IQCE: variants seen among roughly 807,000 people sequenced by gnomAD.
IQCE encodes IQ domain-containing protein E.
In IQCE, 115 loss-of-function variants were observed where a neutral mutation model predicts 96.0. The observed-to-expected ratio is 1.20, with a 90% CI of 1.03 to 1.40. The LOEUF (loss-of-function observed/expected upper bound fraction) is 1.40. IQCE is among the 40% of genes most tolerant of loss of function. The probability of loss-of-function intolerance (pLI) is 0.00; values close to 1 mark genes in which losing one functional copy is unlikely to be tolerated. For missense variants in IQCE, 1,041 were observed against 909.1 expected, an observed-to-expected ratio of 1.15 and a Z score of -1.87; for synonymous variants, 412 against 371.2, an observed-to-expected ratio of 1.11 and a Z score of -1.26.
At position 2,582,627 on chromosome 7, in the gene IQCE, C is replaced by G. The variant is rs1424291739; in HGVS notation, c.678C>G (p.Cys226Trp). 2 of 1,613,852 alleles carry G rather than the reference C, an allele frequency of 1.2e-6. No individual in the cohort carries two copies. Among genetic ancestry groups the G allele is most frequent in the East Asian group, 2.2e-5 (1 of 44,888 alleles). ...GGATCCTGAAGCTGGAACAGCAGTGCAAGGAGAAGGACGGCACCATCAGGT... is the reference window on the plus strand; with the variant it reads ...GGATCCTGAAGCTGGAACAGCAGTGGAAGGAGAAGGACGGCACCATCAGGT... ...KQRILKLEQQCKEKDGTISKL... is the reference protein window; with the variant it reads ...KQRILKLEQQWKEKDGTISKL... The change falls in exon 9 of 22, where the codon TGC becomes TGG. Residue 226 changes from cysteine to tryptophan, a missense_variant. By Grantham distance (215) the Cys-to-Trp change is radical (BLOSUM62 -2). Transcript: ENST00000402050.
Position 2,604,926 on chromosome 7 carries a change from A to G in IQCE, c.1678A>G (p.Thr560Ala). Residue 560 changes from threonine to alanine, a missense_variant, in exon 19 of 22, where the codon ACA (threonine) becomes GCA (alanine). Thr to Ala is a moderately conservative substitution (Grantham distance 58). Transcript: ENST00000402050. ...QAAFRGHLTR[T>A]KLLASKAHGS... The stretch of plus-strand genomic sequence containing the variant: ...AGCTTTCAGGGGACATCTCACGCGG[A>G]CAAAGCTCTTAGCAAGCAAAGCACA... The G allele has an allele frequency of 1.2e-6, 2 of 1,613,762 alleles. No individual in the cohort carries two copies. Among genetic ancestry groups the G allele is most frequent in the East Asian group, 2.2e-5 (1 of 44,874 alleles).
chr7:2,608,573 G>C (rs562006083), intron 21 of IQCE, among the ~76,000 whole-genome samples: 1 of 152,186 alleles, frequency 6.6e-6, no homozygotes, highest in African/African-American at 2.4e-5. Flanking sequence ...GTACAGACAC[G>C]CAAAGCGGTC....
chr7:2,564,677 T>G (rs1427170181), intron 1 of IQCE, among the ~76,000 whole-genome samples: 4 of 152,236 alleles, frequency 2.6e-5, no homozygotes, highest in Non-Finnish European at 5.9e-5. Flanking sequence ...AGAATATACT[T>G]TGAATGATTT....
intron 18 of IQCE, among the ~76,000 whole-genome samples, chr7:2,603,500 A>G (rs1008646818): frequency 6.6e-6 from 1 of 152,018 alleles, no homozygotes; most frequent in Non-Finnish European, 1.5e-5. Context: ...CCCATGCCTC[A>G]GGGGCCTCGT....
At chr7:2,573,376 T>C (rs745909668) in intron 5 of IQCE, 42 bp from the exon 6 acceptor site, 8 of 927,260 alleles carry the variant, frequency 8.6e-6, no homozygotes, top group Non-Finnish European at 1.4e-5. Flanking sequence ...TTCTTTCTAC[T>C]TTGTAGATAG....
rs528750433 is a variant in IQCE, at chr7:2,579,876, T to G, written c.630+1350T>G. ...AGGGGATACTCCCACCTCAACCTCCTGAGTACCCGGGACTACAGGCACGTG... is the reference window on the plus strand; with the variant it reads ...AGGGGATACTCCCACCTCAACCTCCGGAGTACCCGGGACTACAGGCACGTG... On this transcript the variant is annotated intron_variant, in intron 8 of 21. Transcript: ENST00000402050. Among the ~76,000 whole-genome samples the G allele has an allele frequency of 5.4e-5, 8 of 148,160 alleles. 1 individual carries two copies. The highest frequency in any genetic ancestry group is 1.2e-4 in the Non-Finnish European group (8 of 67,108).
intron 11 of IQCE, among the ~76,000 whole-genome samples, chr7:2,585,180 G>T (rs1783001706): frequency 6.6e-6 from 1 of 151,814 alleles, no homozygotes; most frequent in Non-Finnish European, 1.5e-5. Flanking sequence ...GGACTGTACA[G>T]GCACATGCCA....
chr7:2,582,534 A>C, intron 8 of IQCE, 46 bp from the exon 9 acceptor site: 2 of 1,548,752 alleles, frequency 1.3e-6, no homozygotes, highest in Non-Finnish European at 1.8e-6. Context: ...GCTTCTACTG[A>C]GGGAGAGAGG....
chr7:2,571,989 G>A (rs915646743), intron 4 of IQCE, among the ~76,000 whole-genome samples: 24 of 152,142 alleles, frequency 1.6e-4, no homozygotes, highest in African/African-American at 5.3e-4. Context: ...TATGTATACC[G>A]TGGAAATAGG....
At position 2,586,368 on chromosome 7, in the gene IQCE, C is replaced by T. The variant is rs200208942; in HGVS notation, c.985C>T (p.Gln329Ter). 1 of 1,610,854 alleles carries T rather than the reference C, an allele frequency of 6.2e-7. No individual in the cohort carries two copies. Among genetic ancestry groups the T allele is most frequent in the Non-Finnish European group, 8.5e-7 (1 of 1,179,148 alleles). Residue 329 changes from glutamine to a stop codon, truncating the protein, a stop_gained, in exon 12 of 22, where the codon CAG (glutamine) becomes TAG (stop). Transcript: ENST00000402050. LOFTEE classifies it high-confidence loss of function. ...CACCTCCCCAACCATCTCCAAGACACAGGGTACCTTCCTGAAAGCCACTCC... is the reference window on the plus strand; with the variant it reads ...CACCTCCCCAACCATCTCCAAGACATAGGGTACCTTCCTGAAAGCCACTCC... ...LSTSPTISKT[Q>*]GYVEWSKPRL...
At chr7:2,585,734 GT>G (rs1583453709) in intron 11 of IQCE, among the ~76,000 whole-genome samples, 2 of 152,246 alleles carry the variant, frequency 1.3e-5, no homozygotes, top group Non-Finnish European at 2.9e-5. Flanking sequence ...ACCTGTGCAC[GT>G]GCAAGAATCC....
At position 2,607,122 on chromosome 7, in the gene IQCE, A is replaced by AGT. The variant is rs1357922470; in HGVS notation, c.1866_1867dup. On this transcript the variant is annotated splice_acceptor_variant, in intron 20 of 21. Transcript: ENST00000402050. LOFTEE classifies it high-confidence loss of function. ...CAGCTGGCGTTTTCTGTTTTTTTCCAGTGCTACCGGTAAAAGAACCACCAC... is the reference window on the plus strand; with the variant it reads ...CAGCTGGCGTTTTCTGTTTTTTTCCAGTGTGCTACCGGTAAAAGAACCACCAC... The AGT allele has an allele frequency of 6.3e-7, 1 of 1,586,322 alleles. No individual in the cohort carries two copies. Among genetic ancestry groups the AGT allele is most frequent in the Non-Finnish European group, 8.6e-7 (1 of 1,169,100 alleles).
Position 2,614,181 on chromosome 7 carries a change from A to C in IQCE, c.*4019A>C, listed in dbSNP as rs1184810199. Reference sequence around the variant, plus strand: ...AGCCCAACCTAGCTCAGATCCACCAAGATAAGCACAGCAAAGCTTGGCTGC... The same window carrying C: ...AGCCCAACCTAGCTCAGATCCACCACGATAAGCACAGCAAAGCTTGGCTGC... On this transcript the variant is annotated 3_prime_UTR_variant, in exon 22 of 22. Transcript: ENST00000402050. The C allele has an allele frequency of 1.3e-5, 2 of 152,268 alleles. No homozygotes were observed. The highest frequency in any genetic ancestry group is 4.8e-5 in the African/African-American group (2 of 41,460). 9.4% of individuals were successfully genotyped at this position (152,268 alleles called of 1,614,324 possible).
At chr7:2,607,283 G>A in intron 21 of IQCE, 56 bp downstream of exon 21, 2 of 1,609,156 alleles carry the variant, frequency 1.2e-6, no homozygotes, top group East Asian at 2.2e-5. Context: ...TGAGGTCTCA[G>A]CCAAAGAGTG....
intron 8 of IQCE, among the ~76,000 whole-genome samples, chr7:2,579,877 G>A (rs913408160): frequency 1.4e-5 from 2 of 147,878 alleles, no homozygotes; most frequent in African/African-American, 4.9e-5. Flanking sequence ...TCAACCTCCT[G>A]AGTACCCGGG....
chr7:2,566,256 G>A (rs143423843), intron 1 of IQCE, among the ~76,000 whole-genome samples: 1 of 148,590 alleles, frequency 6.7e-6, no homozygotes, highest in African/African-American at 2.5e-5. Flanking sequence ...GAGTGAATGA[G>A]TTAATACAGA....
Position 2,586,260 on chromosome 7 carries a change from G to C in IQCE, c.877G>C (p.Ala293Pro). 6.2e-7 allele frequency: 1 copy of C among 1,614,056 alleles called. No homozygotes were observed. Among genetic ancestry groups the C allele is most frequent in the Non-Finnish European group, 8.5e-7 (1 of 1,179,958 alleles). ...CAAAAGGCAGAAGAAGATGGGCAGT[G>C]CCCTCCTGAGCTTGTCCCGGAGTGT... is the stretch of plus-strand genomic sequence containing the variant. ...GAKRQKKMGS[A>P]LLSLSRSVQE... The change falls in exon 12 of 22, where the codon GCC becomes CCC. Residue 293 changes from alanine (A) to proline (P), a missense_variant. By Grantham distance (27) the Ala-to-Pro change is conservative (BLOSUM62 -1). Transcript: ENST00000402050.
At chr7:2,597,406 C>G (rs1784125501) in intron 16 of IQCE, among the ~76,000 whole-genome samples, 2 of 152,248 alleles carry the variant, frequency 1.3e-5, no homozygotes, top group African/African-American at 4.8e-5. Context: ...GCCCCAGATG[C>G]CCAAGCATCG....
chr7:2,587,623 A>G (rs1423687528), intron 12 of IQCE, among the ~76,000 whole-genome samples, 199 bp from the exon 13 acceptor site: 1 of 152,102 alleles, frequency 6.6e-6, no homozygotes, highest in Non-Finnish European at 1.5e-5. Context: ...ACAGACATCT[A>G]TCTCTTCACG....
Sources: gnomAD v4.1 joint callset for allele counts (sites outside exome capture counted in the v4.1 genomes callset) on GRCh38, gnomAD v4.1.1 for gene constraint, MANE v1.5 for transcripts, NCBI Gene and HGNC (gene_info 2026-07-23, HGNC 2026-07-21) for gene names.